The following TENM4 variants were observed in gnomAD, a reference collection of about 807,000 sequenced individuals.
TENM4 encodes teneurin transmembrane protein 4, also known as teneurin-4.
TENM4 carries 82 observed loss-of-function variants against 243.3 expected under a neutral mutation model. The ratio of observed to expected loss-of-function variants is 0.34; its 90% CI spans 0.28 to 0.40. The LOEUF (loss-of-function observed/expected upper bound fraction) is 0.40, where lower values mean the gene tolerates loss of function less well. TENM4 is among the 10% of genes least tolerant of loss of function. TENM4 has a pLI of 1.00. For synonymous variants in TENM4, 1,412 were observed against 1,456.3 expected, an observed-to-expected ratio of 0.97 and a Z score of 0.69; for missense variants, 3,138 against 3,673.3, an observed-to-expected ratio of 0.85 and a Z score of 3.77.
At chr11:79,323,856 A>C (rs1475781427) in intron 1 of TENM4, among the ~76,000 whole-genome samples, 1 of 151,614 alleles carries the variant, frequency 6.6e-6, no homozygotes, top group Non-Finnish European at 1.5e-5. Context: ...CCATAAAATC[A>C]ATCAATCTAT....
At chr11:78,723,070 A>G (rs532921297) in intron 23 of TENM4, among the ~76,000 whole-genome samples, 153 bp from the exon 24 acceptor site, 142 of 152,326 alleles carry the variant, frequency 9.3e-4, no homozygotes, top group African/African-American at 2.9e-3. Context: ...CACCCCCCCA[A>G]TGGAACCCAG....
intron 4 of TENM4, among the ~76,000 whole-genome samples, chr11:79,133,703 C>G (rs535356746): frequency 2.6e-5 from 4 of 152,158 alleles, no homozygotes; most frequent in African/African-American, 9.6e-5. Context: ...TTAACATAAG[C>G]AAGTCAATAA....
intron 1 of TENM4, among the ~76,000 whole-genome samples, chr11:79,302,634 T>C (rs1856567250): frequency 6.6e-6 from 1 of 152,220 alleles, no homozygotes; most frequent in Admixed American, 6.5e-5. Flanking sequence ...TTTCTTGAAT[T>C]GATTGTTGGT....
intron 30 of TENM4, among the ~76,000 whole-genome samples, chr11:78,675,087 G>A (rs1289172104): frequency 6.6e-6 from 1 of 151,866 alleles, no homozygotes; most frequent in East Asian, 1.9e-4. Context: ...GGCTGGTCTC[G>A]AACTCCTGAC....
Position 78,903,363 on chromosome 11 carries a change from G to C in TENM4, c.654C>G (p.His218Gln). The part of the protein sequence containing the change: ...RSNPSPAPTD[H>Q]SLSGEPPAGG... ...CGGCAGGGGGCTCTCCGGAGAGCGAGTGGTCCGTGGGGGCCGGGCTGGGGT... is the reference window on the plus strand; with the variant it reads ...CGGCAGGGGGCTCTCCGGAGAGCGACTGGTCCGTGGGGGCCGGGCTGGGGT... Residue 218 changes from histidine (H) to glutamine (Q), a missense_variant, in exon 7 of 34, where the codon CAC becomes CAG. His to Gln is a conservative substitution (Grantham distance 24). Transcript: ENST00000278550. 6.7e-7 allele frequency: 1 copy of C among 1,499,184 alleles called. No homozygotes were observed. The allele number at this position is 1,499,184 out of a possible 1,614,324, so 92.9% of individuals were successfully genotyped here. A position where few individuals can be genotyped will look rare whatever the true frequency, so the allele number is the denominator to read the frequency against.
At chr11:79,100,698 A>T (rs1861207511) in intron 4 of TENM4, among the ~76,000 whole-genome samples, 1 of 152,168 alleles carries the variant, frequency 6.6e-6, no homozygotes, top group Non-Finnish European at 1.5e-5. Context: ...GTCCCCCTCC[A>T]GTTTAGAAGT....
Position 78,731,509 on chromosome 11 carries a change from G to T in TENM4, c.3138+807C>A, listed in dbSNP as rs536712221. ...ACCAGCGCCCGCAATCCATTAATAG[G>T]CACATTGCCTGAGTTCTCATTAGGC... is the stretch of plus-strand genomic sequence containing the variant. On this transcript the variant is annotated intron_variant, in intron 21 of 33. Coordinates refer to ENST00000278550, the MANE Select transcript of TENM4 (RefSeq NM_001098816.3). 4.6e-5 allele frequency among the ~76,000 whole-genome samples: 7 copies of T among 152,308 alleles called. No individual in the cohort carries two copies. In the East Asian group the frequency reaches 1.4e-3, roughly 29 times the overall value.
intron 6 of TENM4, among the ~76,000 whole-genome samples, chr11:78,980,635 T>C (rs1857771101): frequency 6.6e-6 from 1 of 152,228 alleles, no homozygotes; most frequent in Non-Finnish European, 1.5e-5. Flanking sequence ...GGTCAGAACA[T>C]GAACTCATGT....
intron 3 of TENM4, among the ~76,000 whole-genome samples, chr11:79,184,178 G>C (rs1863341480): frequency 6.6e-6 from 1 of 152,166 alleles, no homozygotes; most frequent in African/African-American, 2.4e-5. Flanking sequence ...TATAAAGGGA[G>C]GAAATTCTGA....
At chr11:78,770,401 C>G (rs1856622236) in intron 18 of TENM4, among the ~76,000 whole-genome samples, 1 of 152,186 alleles carries the variant, frequency 6.6e-6, no homozygotes, top group Admixed American at 6.5e-5. Context: ...AGAATTAGAA[C>G]CCAGGTCTTC....
chr11:78,996,514 G>GA, intron 6 of TENM4, among the ~76,000 whole-genome samples: 1 of 152,250 alleles, frequency 6.6e-6, no homozygotes, highest in Admixed American at 6.5e-5. Flanking sequence ...ACAGAATTAT[G>GA]AAAAATAACA....
At chr11:78,733,609 T>C (rs1855719641) in intron 20 of TENM4, among the ~76,000 whole-genome samples, 1 of 152,188 alleles carries the variant, frequency 6.6e-6, no homozygotes, top group Non-Finnish European at 1.5e-5. Context: ...GCAAGGCACG[T>C]TCCCATCCAA....
intron 30 of TENM4, 26 bp from the exon 31 acceptor site, chr11:78,672,355 G>T (rs769938802): frequency 6.3e-7 from 1 of 1,595,504 alleles, no homozygotes; most frequent in Admixed American, 1.7e-5. Context: ...GAAGGAAAGA[G>T]AAAATTAATC....
rs1857909844 is a variant in TENM4, at chr11:78,656,931, T to C, written c.*1127A>G. On this transcript the variant is annotated 3_prime_UTR_variant, in exon 34 of 34. Transcript: ENST00000278550. ...CCTCTCTTTGGCTGGCTTTTTTTGT[T>C]AAGCATTTTTCCAGAATCAAAGGCC... 1.3e-5 allele frequency: 5 copies of C among 397,846 alleles called. No homozygotes were observed. The Admixed American group carries it at 1.3e-4, about 11-fold the overall frequency. The allele number at this position is 397,846 out of a possible 1,614,324, so 24.6% of individuals were successfully genotyped here. A position where few individuals can be genotyped will look rare whatever the true frequency, so the allele number is the denominator to read the frequency against.
chr11:79,392,450 G>T (rs1858254363), intron 1 of TENM4, among the ~76,000 whole-genome samples: 1 of 152,214 alleles, frequency 6.6e-6, no homozygotes, highest in Admixed American at 6.5e-5. Flanking sequence ...TGGGTTGCTT[G>T]CTAGTGAAAG....
At chr11:79,108,679 T>C (rs1053220182) in intron 4 of TENM4, among the ~76,000 whole-genome samples, 1 of 152,260 alleles carries the variant, frequency 6.6e-6, no homozygotes, top group East Asian at 1.9e-4. Flanking sequence ...GACAACATCA[T>C]TCAGGTAGTA....
At chr11:79,080,858 C>T (rs1312490700) in intron 4 of TENM4, among the ~76,000 whole-genome samples, 2 of 152,204 alleles carry the variant, frequency 1.3e-5, no homozygotes, top group Non-Finnish European at 1.5e-5. Context: ...ATTGCCAATT[C>T]TCTGTAAAAA....
At chr11:78,692,351 T>C (rs1282810941) in intron 28 of TENM4, among the ~76,000 whole-genome samples, 2 of 152,152 alleles carry the variant, frequency 1.3e-5, no homozygotes, top group Non-Finnish European at 2.9e-5. Flanking sequence ...TCCTCCTAAC[T>C]ATCAAGTCTC....
chr11:79,218,234 A>ACCGCCCCCCCC (rs147909182), intron 2 of TENM4, among the ~76,000 whole-genome samples: 2 of 96,462 alleles, frequency 2.1e-5, no homozygotes, highest in Non-Finnish European at 3.8e-5. Flanking sequence ...CCCCCTGCCC[A>ACCGCCCCCCCC]CCCACCCCCG....
Sources: gnomAD v4.1 joint callset for allele counts (sites outside exome capture counted in the v4.1 genomes callset) on GRCh38, gnomAD v4.1.1 for gene constraint, MANE v1.5 for transcripts, NCBI Gene and HGNC (gene_info 2026-07-23, HGNC 2026-07-21) for gene names.